CIMAP2: variants seen among roughly 807,000 people sequenced by gnomAD.
CIMAP2 encodes the protein ciliary microtubule associated protein 2, also known as ciliary microtubule-associated protein 2.
At chr1:54,814,705 C>T in the CIMAP2 span, among the ~76,000 whole-genome samples, 4 of 152,234 alleles carry the variant, frequency 2.6e-5, 1 homozygote, top group African/African-American at 9.6e-5. Context: ...AAAGAGGCAT[C>T]AGGCTGTGAT....
At chr1:54,808,618 A>AGGGC in the CIMAP2 span, among the ~76,000 whole-genome samples, 1 of 82,194 alleles carries the variant, frequency 1.2e-5, no homozygotes, top group Non-Finnish European at 2.7e-5. Context: ...CTGCCGGGGG[A>AGGGC]GGGCAGTGGA....
At chr1:54,828,573 C>G in the CIMAP2 span, among the ~76,000 whole-genome samples, 1 of 152,110 alleles carries the variant, frequency 6.6e-6, no homozygotes, top group African/African-American at 2.4e-5. Context: ...CTCAAGTGAT[C>G]CTCCTGCCTT....
the CIMAP2 span, chr1:54,814,037 G>A: frequency 6.6e-7 from 1 of 1,521,984 alleles, no homozygotes; most frequent in Non-Finnish European, 8.8e-7. Flanking sequence ...CCGGGGCTGG[G>A]CATGGGGTAG....
At chr1:54,830,868 T>A in the CIMAP2 span, among the ~76,000 whole-genome samples, 30 of 152,220 alleles carry the variant, frequency 2.0e-4, no homozygotes, top group Admixed American at 1.8e-3. This position sits in a 1 kb window ranked among gnomAD's most constrained non-coding sequence, Gnocchi z 4.1. Flanking sequence ...CATTCTTCCA[T>A]CTGCTTTTCA....
chr1:54,837,981 G>A, the CIMAP2 span, among the ~76,000 whole-genome samples: 2 of 152,048 alleles, frequency 1.3e-5, no homozygotes, highest in Non-Finnish European at 2.9e-5. Flanking sequence ...AGGATAGAGT[G>A]TATTGGAGTG....
the CIMAP2 span, chr1:54,811,772 T>TCCCCCCC: frequency 4.2e-5 from 19 of 454,846 alleles, no homozygotes; most frequent in South Asian, 7.9e-5. Context: ...ACAGCCTCCA[T>TCCCCCCC]GCCCCCACCC....
the CIMAP2 span, chr1:54,811,765 G>GCGGGGGGGGGGGGGGGGCCC: frequency 7.7e-7 from 1 of 1,301,332 alleles, no homozygotes; most frequent in East Asian, 2.5e-5. Flanking sequence ...GGTTCTGACA[G>GCGGGGGGGGGGGGGGGGCCC]CCTCCATGCC....
the CIMAP2 span, among the ~76,000 whole-genome samples, chr1:54,834,560 CTT>C: frequency 1.3e-5 from 2 of 152,102 alleles, no homozygotes; most frequent in African/African-American, 4.8e-5. Flanking sequence ...TTGAGTCTCT[CTT>C]GTCTGAAATG....
chr1:54,813,719 T>A, the CIMAP2 span: 1 of 1,354,686 alleles, frequency 7.4e-7, no homozygotes, highest in African/African-American at 1.5e-5. Context: ...TAGTAAGTGA[T>A]GCCCCATTGC....
chr1:54,839,931 G>A, the CIMAP2 span, among the ~76,000 whole-genome samples: 1 of 152,124 alleles, frequency 6.6e-6, no homozygotes, highest in Admixed American at 6.5e-5. Flanking sequence ...TAAATTTCTT[G>A]TAGAGACATG....
chr1:54,806,974 C>T, the CIMAP2 span: 1 of 1,603,724 alleles, frequency 6.2e-7, no homozygotes, highest in Non-Finnish European at 8.5e-7. Flanking sequence ...AGGGCTCTCA[C>T]TGGGCCACCG....
the CIMAP2 span, among the ~76,000 whole-genome samples, chr1:54,833,679 C>G: frequency 6.6e-6 from 1 of 152,130 alleles, no homozygotes; most frequent in Non-Finnish European, 1.5e-5. Flanking sequence ...GGTTTTTCAT[C>G]TAGCCAACTT....
the CIMAP2 span, chr1:54,811,765 G>GCGGGGGGGGCCCCCCCCC: frequency 7.7e-7 from 1 of 1,301,330 alleles, no homozygotes; most frequent in Non-Finnish European, 1.1e-6. Flanking sequence ...GGTTCTGACA[G>GCGGGGGGGGCCCCCCCCC]CCTCCATGCC....
the CIMAP2 span, among the ~76,000 whole-genome samples, chr1:54,817,464 T>C: frequency 1.3e-5 from 2 of 152,186 alleles, no homozygotes; most frequent in Admixed American, 1.3e-4. Flanking sequence ...CCAGAGCCCA[T>C]ACGGTCCAGT....
chr1:54,820,505 A>G, the CIMAP2 span, among the ~76,000 whole-genome samples: 1 of 151,932 alleles, frequency 6.6e-6, no homozygotes, highest in African/African-American at 2.4e-5. Context: ...AGAAACTTCC[A>G]TACTGTTTTC....
chr1:54,835,214 C>T, the CIMAP2 span, among the ~76,000 whole-genome samples: 5 of 152,120 alleles, frequency 3.3e-5, no homozygotes, highest in African/African-American at 1.2e-4. Flanking sequence ...TTTTTTGAGA[C>T]AGAGTCTTGC....
At chr1:54,818,567 GT>G in the CIMAP2 span, among the ~76,000 whole-genome samples, 12 of 151,966 alleles carry the variant, frequency 7.9e-5, no homozygotes, top group Admixed American at 7.9e-4. Context: ...ACCCAGTTCT[GT>G]GTCATGTATG....
chr1:54,810,558 G>A, the CIMAP2 span, among the ~76,000 whole-genome samples: 1 of 152,160 alleles, frequency 6.6e-6, no homozygotes. Context: ...CCACGCAGAG[G>A]TCCCTGCCCT....
chr1:54,824,391 A>C, the CIMAP2 span, among the ~76,000 whole-genome samples: 1 of 124,280 alleles, frequency 8.0e-6, no homozygotes, highest in African/African-American at 3.5e-5. Flanking sequence ...AATTGTATCT[A>C]TTTGGGGGTT....
Sources: gnomAD v4.1 joint callset for allele counts (sites outside exome capture counted in the v4.1 genomes callset) on GRCh38, gnomAD v4.1.1 for gene constraint, Gnocchi (gnomAD v3.1) non-coding constraint, MANE v1.5 for transcripts, NCBI Gene and HGNC (gene_info 2026-07-23, HGNC 2026-07-21) for gene names.